The following APMAP variants were observed in gnomAD, a reference collection of about 807,000 sequenced individuals.
APMAP encodes the protein adipocyte plasma membrane associated protein.
APMAP carries 33 observed loss-of-function variants against 43.6 expected under a neutral mutation model. The ratio of observed to expected loss-of-function variants is 0.76; its 90% confidence interval spans 0.57 to 1.01. The LOEUF (loss-of-function observed/expected upper bound fraction) is 1.01, where lower values mean the gene tolerates loss of function less well. APMAP is among the 50% of genes least tolerant of loss of function. The probability of loss-of-function intolerance (pLI) is 0.00; values close to 1 mark genes in which losing one functional copy is unlikely to be tolerated. For synonymous variants in APMAP, 224 were observed against 216.7 expected (o/e 1.03, Z -0.30); for missense variants, 498 against 540.7 (o/e 0.92, Z 0.78).
At chr20:24,992,369 C>G (rs8184053) in intron 1 of APMAP, among the ~76,000 whole-genome samples, 22 of 152,198 alleles carry the variant, frequency 1.4e-4, no homozygotes, top group South Asian at 4.1e-4. Context: ...GGCGACTGGG[C>G]GCAGGGTGCA....
At position 24,978,311 on chromosome 20, in the gene APMAP, C is replaced by T. The variant is rs73344943; in HGVS notation, c.328+456G>A. On this transcript the variant is annotated intron_variant, in intron 3 of 8. Transcript: ENST00000217456. The stretch of plus-strand genomic sequence containing the variant: ...GCAGATGGTTACCCTTAAGTGTACC[C>T]ATCAAGGTGAGATTTCAAACAGTCA... Among the ~76,000 whole-genome samples, 1,158 of 152,278 alleles carry T rather than the reference C, an allele frequency of 7.6e-3. 10 individuals carry two copies. Among genetic ancestry groups the T allele is most frequent in the African/African-American group, 0.021 (882 of 41,550 alleles).
At position 24,987,084 on chromosome 20, in the gene APMAP, G is replaced by C. The variant is rs2088153877; in HGVS notation, c.96-3065C>G. Among the ~76,000 whole-genome samples the C allele has an allele frequency of 2.0e-5, 3 of 152,168 alleles. No individual in the cohort carries two copies. In the South Asian group the frequency reaches 6.2e-4, roughly 31 times the overall value. ...ATGGTTCCTTTTACCAGTTGATTAT[G>C]TATGTATCTACCACAACTTGCTGCC... is the stretch of plus-strand genomic sequence containing the variant. On this transcript the variant is annotated intron_variant, in intron 1 of 8. Coordinates refer to ENST00000217456, the MANE Select transcript of APMAP (RefSeq NM_020531.3).
intron 8 of APMAP, 49 bp downstream of exon 8, chr20:24,968,843 T>C (rs374821792): frequency 5.3e-6 from 8 of 1,520,670 alleles, no homozygotes; most frequent in Middle Eastern, 3.8e-4. Flanking sequence ...AAAAATATGA[T>C]TCAATTCATT....
At chr20:24,979,934 C>A (rs985272373) in intron 2 of APMAP, among the ~76,000 whole-genome samples, 1 of 152,156 alleles carries the variant, frequency 6.6e-6, no homozygotes. Flanking sequence ...AACCATCCCC[C>A]ACCCAGGAGG....
At position 24,969,543 on chromosome 20, in the gene APMAP, G is replaced by A; in HGVS notation, c.831C>T (p.Thr277=). The change falls in exon 7 of 9, where the codon ACC becomes ACT. Residue 277 remains threonine (T), a synonymous_variant. Transcript: ENST00000217456. ...AEDFVLVAET[T]MARIRRVYVS... ...ACACACACCTTCGTATCCTGGCCATGGTTGTTTCTGCCACCAGGACAAAGT... is the reference window on the plus strand; with the variant it reads ...ACACACACCTTCGTATCCTGGCCATAGTTGTTTCTGCCACCAGGACAAAGT... The A allele has an allele frequency of 1.9e-6, 3 of 1,613,100 alleles. No individual in the cohort carries two copies. Among genetic ancestry groups the A allele is most frequent in the Non-Finnish European group, 2.5e-6 (3 of 1,179,194 alleles).
Position 24,970,390 on chromosome 20 carries a change from GAA to G in APMAP, c.539-21_539-20del. ...ACTTCACCTGAAGTTTAAAAAGAAAGAAAAAGATTGACTTGAACTAGGAACTT... is the reference window on the plus strand; with the variant it reads ...ACTTCACCTGAAGTTTAAAAAGAAAGAAAGATTGACTTGAACTAGGAACTT... On this transcript the variant is annotated intron_variant, in intron 5 of 8. Transcript: ENST00000217456. The G allele has an allele frequency of 6.3e-7, 1 of 1,588,550 alleles. No individual in the cohort carries two copies. The highest frequency in any genetic ancestry group is 1.1e-5 in the South Asian group (1 of 88,366).
intron 3 of APMAP, among the ~76,000 whole-genome samples, chr20:24,977,746 T>C (rs979047835): frequency 6.6e-6 from 1 of 152,352 alleles, no homozygotes; most frequent in Non-Finnish European, 1.5e-5. Flanking sequence ...GCTGTTAAGT[T>C]TCAGTTTTAA....
chr20:24,983,470 A>G (rs1341401805), intron 2 of APMAP, among the ~76,000 whole-genome samples: 1 of 152,210 alleles, frequency 6.6e-6, no homozygotes, highest in Non-Finnish European at 1.5e-5. Flanking sequence ...ATTATAATGG[A>G]CTGCATTACT....
In APMAP at chr20:24,971,499, CG is replaced by C. The variant is rs775193325; in HGVS notation, c.498del (p.Asp167MetfsTer9). On this transcript the variant is annotated frameshift_variant, in exon 5 of 9. Transcript: ENST00000217456. LOFTEE classifies it high-confidence loss of function. ...ACTTCAAATAGTCCCTTGTATGCAT[CG>C]GCCACAAAGAGAGTCCCATTGGGCC... Reference protein sequence around the residue: ...RAGPNGTLFVADAYKGLFEVN... With the variant: ...RAGPNGTLFVXDAYKGLFEVN... 1 of 1,614,172 alleles carries C rather than the reference CG, an allele frequency of 6.2e-7. No homozygotes were observed. Among genetic ancestry groups the C allele is most frequent in the Non-Finnish European group, 8.5e-7 (1 of 1,180,004 alleles).
chr20:24,990,170 A>G (rs1258778477), intron 1 of APMAP, among the ~76,000 whole-genome samples: 1 of 152,242 alleles, frequency 6.6e-6, no homozygotes, highest in Non-Finnish European at 1.5e-5. Context: ...CCGGTATGTT[A>G]AAGTACTTAG....
intron 1 of APMAP, among the ~76,000 whole-genome samples, chr20:24,985,914 C>T (rs149656678): frequency 2.0e-5 from 3 of 152,268 alleles, no homozygotes; most frequent in East Asian, 3.9e-4. Context: ...AAGGATGTCA[C>T]GAGCATGGGA....
At chr20:24,986,770 C>A (rs2088151294) in intron 1 of APMAP, among the ~76,000 whole-genome samples, 1 of 152,148 alleles carries the variant, frequency 6.6e-6, no homozygotes, top group Non-Finnish European at 1.5e-5. Context: ...AGTGGCTTTC[C>A]CACAGCCAAT....
At chr20:24,967,900 G>T (rs1010908503) in intron 8 of APMAP, among the ~76,000 whole-genome samples, 2 of 152,116 alleles carry the variant, frequency 1.3e-5, no homozygotes, top group Non-Finnish European at 2.9e-5. Context: ...CCCACACAGC[G>T]ACCCACAGAA....
chr20:24,982,754 C>T (rs1258900510), intron 2 of APMAP, among the ~76,000 whole-genome samples: 2 of 152,160 alleles, frequency 1.3e-5, no homozygotes, highest in African/African-American at 4.8e-5. Context: ...GTCAGTTTCC[C>T]TTTGGCTAGA....
At position 24,963,962 on chromosome 20, in the gene APMAP, T is replaced by G. The variant is rs966671331; in HGVS notation, c.1102A>C (p.Ser368Arg). The G allele has an allele frequency of 1.2e-6, 2 of 1,614,228 alleles. No individual in the cohort carries two copies. Among genetic ancestry groups the G allele is most frequent in the Non-Finnish European group, 1.7e-6 (2 of 1,180,036 alleles). Reference protein sequence around the residue: ...VPRYSLVLELSDSGAFRRSLH... With the variant: ...VPRYSLVLELRDSGAFRRSLH... ...CTTCTCCGGAAGGCACCGCTGTCGCTGAGTTCTAGGACGAGGCTGTACCGC... is the reference window on the plus strand; with the variant it reads ...CTTCTCCGGAAGGCACCGCTGTCGCGGAGTTCTAGGACGAGGCTGTACCGC... Residue 368 changes from serine to arginine, a missense_variant, in exon 9 of 9, where the codon AGC becomes CGC. Ser to Arg is a moderately radical substitution (Grantham distance 110, BLOSUM62 -1). Transcript: ENST00000217456.
At chr20:24,978,093 C>A (rs921379701) in intron 3 of APMAP, among the ~76,000 whole-genome samples, 3 of 152,214 alleles carry the variant, frequency 2.0e-5, no homozygotes, top group African/African-American at 7.2e-5. Context: ...GAATAACAAG[C>A]GGCACTTCCA....
At chr20:24,970,615 A>G (rs1423746294) in intron 5 of APMAP, among the ~76,000 whole-genome samples, 1 of 152,226 alleles carries the variant, frequency 6.6e-6, no homozygotes, top group Non-Finnish European at 1.5e-5. Flanking sequence ...ACTAAGGCCA[A>G]CTGACTTGAT....
At position 24,973,359 on chromosome 20, in the gene APMAP, G is replaced by A. The variant is rs116776803; in HGVS notation, c.421+286C>T. Among the ~76,000 whole-genome samples, 140 of 152,284 alleles carry A rather than the reference G, an allele frequency of 9.2e-4. 1 individual carries two copies. Among genetic ancestry groups the A allele is most frequent in the African/African-American group, 2.9e-3 (122 of 41,556 alleles). The stretch of plus-strand genomic sequence containing the variant: ...CCTCTGAAGTACCGCAAAGGTAAAC[G>A]GGGACCCCAATAAAATGGTGAGGGG... On this transcript the variant is annotated intron_variant, in intron 4 of 8. Coordinates refer to ENST00000217456, the MANE Select transcript of APMAP (RefSeq NM_020531.3).
chr20:24,977,822 A>G (rs1223367001), intron 3 of APMAP, among the ~76,000 whole-genome samples: 1 of 152,244 alleles, frequency 6.6e-6, no homozygotes, highest in Non-Finnish European at 1.5e-5. Flanking sequence ...ATAAATGCCA[A>G]TGTCTTTTTA....
Sources: allele counts gnomAD v4.1 joint callset (sites outside exome capture counted in the v4.1 genomes callset), GRCh38; gene constraint gnomAD v4.1.1; transcripts MANE v1.5; gene names NCBI Gene and HGNC (gene_info 2026-07-23, HGNC 2026-07-21).